Variants in ROBO2 observed in about 807,000 individuals in gnomAD.
ROBO2 encodes the protein roundabout homolog 2.
ROBO2 carries 53 observed loss-of-function variants against 160.8 expected under a neutral mutation model. The ratio of observed to expected loss-of-function variants is 0.33; its 90% CI spans 0.26 to 0.41. The LOEUF (loss-of-function observed/expected upper bound fraction) is 0.41, where lower values mean the gene tolerates loss of function less well. Ranked by LOEUF, ROBO2 falls within the 10% of genes least tolerant of loss-of-function variation. The pLI is 1.00. For missense variants in ROBO2, 1,577 were observed against 1,722.4 expected, an observed-to-expected ratio of 0.92 and a Z score of 1.49; for synonymous variants, 664 against 611.7, an observed-to-expected ratio of 1.09 and a Z score of -1.26.
intron 2 of ROBO2, among the ~76,000 whole-genome samples, chr3:77,016,604 C>T (rs1433009333): frequency 2.0e-5 from 3 of 152,122 alleles, no homozygotes; most frequent in Non-Finnish European, 2.9e-5. Context: ...CTTTAATCTA[C>T]AAAAACAGTT....
chr3:76,256,527 C>T (rs559917750), intron 2 of ROBO2, among the ~76,000 whole-genome samples: 1 of 151,616 alleles, frequency 6.6e-6, no homozygotes, highest in South Asian at 2.1e-4. Context: ...GGCAATATGG[C>T]GAAATCCTGT....
At chr3:76,154,165 C>G (rs2072315941) in intron 2 of ROBO2, among the ~76,000 whole-genome samples, 1 of 152,062 alleles carries the variant, frequency 6.6e-6, no homozygotes. Context: ...CAGAACCGCG[C>G]TTTGGTAACG....
intron 2 of ROBO2, among the ~76,000 whole-genome samples, chr3:76,157,178 G>A (rs1364137464): frequency 1.3e-5 from 2 of 152,076 alleles, no homozygotes; most frequent in Non-Finnish European, 2.9e-5. Context: ...TTATCAGTAA[G>A]GTATGCATCC....
At chr3:77,397,869 T>C (rs935743911) in intron 2 of ROBO2, among the ~76,000 whole-genome samples, 1 of 152,102 alleles carries the variant, frequency 6.6e-6, no homozygotes, top group Non-Finnish European at 1.5e-5. Context: ...AAACCGTTTA[T>C]TTACTAAATA....
intron 8 of ROBO2, among the ~76,000 whole-genome samples, chr3:77,552,587 A>G (rs1290682629): frequency 2.6e-5 from 4 of 152,038 alleles, no homozygotes; most frequent in Non-Finnish European, 5.9e-5. Context: ...CCAATGTTAA[A>G]TCTTCTGCCA....
intron 2 of ROBO2, among the ~76,000 whole-genome samples, chr3:76,728,559 A>G (rs918740902): frequency 6.6e-6 from 1 of 152,186 alleles, no homozygotes; most frequent in Non-Finnish European, 1.5e-5. Flanking sequence ...CAGTCCTGTC[A>G]GTTCTATAAA....
chr3:76,803,772 A>G (rs979958608), intron 2 of ROBO2, among the ~76,000 whole-genome samples: 3 of 152,194 alleles, frequency 2.0e-5, no homozygotes, highest in African/African-American at 4.8e-5. Flanking sequence ...ACAAATTTAT[A>G]TAAGTGCTTT....
intron 2 of ROBO2, among the ~76,000 whole-genome samples, chr3:77,318,043 T>A (rs965326403): frequency 6.6e-6 from 1 of 151,916 alleles, no homozygotes; most frequent in Admixed American, 6.6e-5. Flanking sequence ...TATTTCATTT[T>A]ATTTTAATTT....
chr3:76,766,095 C>T (rs1425047154), intron 2 of ROBO2, among the ~76,000 whole-genome samples: 1 of 151,658 alleles, frequency 6.6e-6, no homozygotes. Context: ...AATCGAATAA[C>T]TGTCATTGTT....
At chr3:76,956,577 AG>A (rs2079285266) in intron 2 of ROBO2, among the ~76,000 whole-genome samples, 1 of 151,708 alleles carries the variant, frequency 6.6e-6, no homozygotes, top group East Asian at 1.9e-4. Context: ...AAAAAGAAAA[AG>A]AAGCTAATCT....
chr3:76,777,523 G>C (rs1390909965), intron 2 of ROBO2, among the ~76,000 whole-genome samples: 1 of 150,868 alleles, frequency 6.6e-6, no homozygotes, highest in Non-Finnish European at 1.5e-5. Flanking sequence ...TGGACACTGA[G>C]AGCGAAGCAT....
intron 2 of ROBO2, among the ~76,000 whole-genome samples, chr3:76,057,093 G>A (rs952163512): frequency 6.6e-6 from 1 of 152,148 alleles, no homozygotes; most frequent in Non-Finnish European, 1.5e-5. Flanking sequence ...TTATCATGAG[G>A]ATGTGGATTC....
chr3:77,097,854 G>A (rs1443546992), intron 1 of ROBO2, among the ~76,000 whole-genome samples, 160 bp from the exon 2 acceptor site: 1 of 152,106 alleles, frequency 6.6e-6, no homozygotes, highest in Non-Finnish European at 1.5e-5. Flanking sequence ...TCCTGCAAAG[G>A]AGTTGAGATG....
At position 77,098,824 on chromosome 3, in the gene ROBO2, C is replaced by G. The variant is rs548889848; in HGVS notation, c.388+484C>G. On this transcript the variant is annotated intron_variant, in intron 2 of 25. Transcript: ENST00000461745. ...TGAGCCGAGATCGCGCCACTGCACT[C>G]CAGCCTGGGCGACAGAGCGAGACTC... 6.4e-4 allele frequency among the ~76,000 whole-genome samples: 98 copies of G among 152,150 alleles called. 1 individual carries two copies. Among genetic ancestry groups the G allele is most frequent in the African/African-American group, 1.7e-3 (70 of 41,490 alleles).
At chr3:75,985,421 T>C (rs2107474916) in intron 2 of ROBO2, among the ~76,000 whole-genome samples, 1 of 151,562 alleles carries the variant, frequency 6.6e-6, no homozygotes, top group East Asian at 1.9e-4. Context: ...TTATAGACAA[T>C]TGTAAGACAG....
chr3:76,841,101 AAAAAAGGT>A (rs1297144717), intron 2 of ROBO2, among the ~76,000 whole-genome samples: 3 of 152,118 alleles, frequency 2.0e-5, no homozygotes, highest in African/African-American at 7.2e-5. Context: ...TGTGGCTAAG[AAAAAAGGT>A]CTCCAACATG....
chr3:77,092,270 A>T (rs984718300), intron 1 of ROBO2: 5 of 151,338 alleles, frequency 3.3e-5, no homozygotes, highest in African/African-American at 1.2e-4. Context: ...GATACATTTT[A>T]TTGAAATGAA....
At chr3:76,113,186 G>C (rs2108247768) in intron 2 of ROBO2, among the ~76,000 whole-genome samples, 1 of 152,186 alleles carries the variant, frequency 6.6e-6, no homozygotes, top group African/African-American at 2.4e-5. Context: ...AAAGACTTAT[G>C]TAATTATTCT....
intron 2 of ROBO2, among the ~76,000 whole-genome samples, chr3:76,321,500 A>AC (rs531462499): frequency 6.7e-6 from 1 of 150,318 alleles, no homozygotes; most frequent in Admixed American, 6.6e-5. Context: ...CCATCTCAAA[A>AC]AACAACAACA....
Sources: gnomAD v4.1 joint callset for allele counts (sites outside exome capture counted in the v4.1 genomes callset) on GRCh38, gnomAD v4.1.1 for gene constraint, MANE v1.5 for transcripts, NCBI Gene and HGNC (gene_info 2026-07-23, HGNC 2026-07-21) for gene names.